Variants in TMEM74 observed in about 807,000 individuals in gnomAD.
TMEM74 encodes transmembrane protein 74.
In TMEM74, 13 loss-of-function variants were observed where a neutral mutation model predicts 18.1. The observed-to-expected ratio is 0.72, with a 90% CI of 0.47 to 1.14. TMEM74 has a LOEUF of 1.14. TMEM74 is among the 50% of genes most tolerant of loss of function. The pLI, the probability that TMEM74 is intolerant of heterozygous loss-of-function variation, is 0.00. For synonymous variants in TMEM74, 159 were observed against 146.6 expected (o/e 1.08, Z -0.61); for missense variants, 372 against 375.9 (o/e 0.99, Z 0.09).
At chr8:108,630,138 A>G (rs368110858) in intron 2 of TMEM74, among the ~76,000 whole-genome samples, 6 of 152,146 alleles carry the variant, frequency 3.9e-5, no homozygotes, top group African/African-American at 1.4e-4. Context: ...GAATGGGGGA[A>G]TATTTACCAA....
At chr8:108,704,786 G>C (rs1257052807) in intron 1 of TMEM74, among the ~76,000 whole-genome samples, 1 of 152,166 alleles carries the variant, frequency 6.6e-6, no homozygotes, top group Non-Finnish European at 1.5e-5. Context: ...AAGGAGGGAG[G>C]GAGGTTACCT....
chr8:108,719,444 A>G (rs2130630052), intron 1 of TMEM74, among the ~76,000 whole-genome samples: 1 of 152,240 alleles, frequency 6.6e-6, no homozygotes, highest in South Asian at 2.1e-4. Context: ...TTTCAATTTT[A>G]GAGAGCACCA....
chr8:108,739,737 C>T lies in TMEM74; in HGVS notation n.119+47739G>A, dbSNP rs567801967. Among the ~76,000 whole-genome samples, 4 of 152,140 alleles carry T rather than the reference C, an allele frequency of 2.6e-5. No individual in the cohort carries two copies. The South Asian group carries it at 8.3e-4, about 32-fold the overall frequency. On this transcript the variant is annotated intron_variant and non_coding_transcript_variant, in intron 1 of 3. Coordinates refer to the TMEM74 transcript ENST00000518838. ...CAAGAGGGCTTTTTCTTTTCCATAT[C>T]TGGTGCTTTAGCTAGGGTGACTTGG...
chr8:108,754,716 G>C (rs893059725), intron 1 of TMEM74, among the ~76,000 whole-genome samples: 1 of 151,644 alleles, frequency 6.6e-6, no homozygotes, highest in African/African-American at 2.4e-5. Flanking sequence ...TTTATTATGA[G>C]AAATTTGCTC....
At chr8:108,729,376 G>C (rs1056445242) in intron 1 of TMEM74, among the ~76,000 whole-genome samples, 2 of 152,182 alleles carry the variant, frequency 1.3e-5, no homozygotes, top group African/African-American at 4.8e-5. Context: ...AAATTAGAAA[G>C]TTCTCTGATC....
At chr8:108,688,678 A>G (rs1441871409) in intron 1 of TMEM74, among the ~76,000 whole-genome samples, 1 of 152,206 alleles carries the variant, frequency 6.6e-6, no homozygotes, top group Non-Finnish European at 1.5e-5. Flanking sequence ...ATTACTTTAA[A>G]ACAAAGGAAA....
chr8:108,765,844 G>T (rs564520055), intron 1 of TMEM74, among the ~76,000 whole-genome samples: 1 of 152,030 alleles, frequency 6.6e-6, no homozygotes, highest in Non-Finnish European at 1.5e-5. Context: ...ATGGAATGAT[G>T]TATCCTTATC....
chr8:108,770,352 CA>C (rs1814158266), intron 1 of TMEM74, among the ~76,000 whole-genome samples: 1 of 152,264 alleles, frequency 6.6e-6, no homozygotes, highest in Non-Finnish European at 1.5e-5. Flanking sequence ...TCAACAACAA[CA>C]AAAACTTCCC....
chr8:108,613,819 G>A (rs1812358128), intron 2 of TMEM74, among the ~76,000 whole-genome samples: 1 of 152,142 alleles, frequency 6.6e-6, no homozygotes, highest in African/African-American at 2.4e-5. Context: ...ATGTCCTAAT[G>A]AGGAGTATAA....
At chr8:108,701,048 A>C (rs1266651172) in intron 1 of TMEM74, among the ~76,000 whole-genome samples, 3 of 152,226 alleles carry the variant, frequency 2.0e-5, no homozygotes, top group Admixed American at 6.5e-5. Context: ...ACCTTGACCA[A>C]GTGGGATTTA....
chr8:108,766,319 G>A (rs74712934), intron 1 of TMEM74, among the ~76,000 whole-genome samples: 2,731 of 152,012 alleles, frequency 0.018, 89 homozygotes, highest in African/African-American at 0.062. Flanking sequence ...ATGGGTTCAT[G>A]GGAATGTTCT....
chr8:108,654,162 G>A (rs1196128026), intron 2 of TMEM74, among the ~76,000 whole-genome samples: 4 of 151,748 alleles, frequency 2.6e-5, no homozygotes, highest in Admixed American at 2.6e-4. Context: ...CTTTTACTTA[G>A]TGGAAAATAA....
chr8:108,740,816 T>C (rs1813792750), intron 1 of TMEM74, among the ~76,000 whole-genome samples: 1 of 152,192 alleles, frequency 6.6e-6, no homozygotes. Flanking sequence ...GTGTCTACCC[T>C]AAAAACCAAT....
intron 2 of TMEM74, among the ~76,000 whole-genome samples, chr8:108,631,262 G>A (rs527912736): frequency 2.0e-5 from 3 of 152,088 alleles, no homozygotes; most frequent in African/African-American, 7.2e-5. Flanking sequence ...GTCCTGAAGT[G>A]GTGTTGGTGA....
intron 2 of TMEM74, among the ~76,000 whole-genome samples, chr8:108,639,871 A>G (rs1563738066): frequency 6.6e-6 from 1 of 152,082 alleles, no homozygotes; most frequent in Non-Finnish European, 1.5e-5. Context: ...AATGTATTGG[A>G]TTTAATACCA....
intron 2 of TMEM74, chr8:108,652,644 A>C: frequency 1.6e-6 from 1 of 628,126 alleles, no homozygotes; most frequent in South Asian, 1.6e-5. Flanking sequence ...AAAGCAAGAA[A>C]AAGAAAGAAG....
intron 1 of TMEM74, among the ~76,000 whole-genome samples, chr8:108,691,563 C>T (rs947259737): frequency 5.9e-5 from 9 of 152,180 alleles, no homozygotes; most frequent in Non-Finnish European, 1.0e-4. Flanking sequence ...GATTCAAGCT[C>T]CCTGCAATCT....
intron 2 of TMEM74, among the ~76,000 whole-genome samples, chr8:108,641,603 T>A (rs182430860): frequency 6.6e-6 from 1 of 152,146 alleles, no homozygotes; most frequent in Non-Finnish European, 1.5e-5. Context: ...TGGGACTGTC[T>A]TCTGTTGTAC....
chr8:108,782,783 T>C lies in TMEM74; in HGVS notation c.*1398A>G, dbSNP rs1309776074. On this transcript the variant is annotated 3_prime_UTR_variant, in exon 2 of 2. Transcript: ENST00000297459. ...CCCCCTGATCCTGGTAACACAATCA[T>C]GGAAGTTACAACAACTCTTAGAGCA... is the stretch of plus-strand genomic sequence containing the variant. Among the ~76,000 whole-genome samples the C allele has an allele frequency of 2.0e-5, 3 of 152,208 alleles. No individual in the cohort carries two copies. The highest frequency in any genetic ancestry group is 1.9e-4 in the East Asian group (1 of 5,202).
Sources: gnomAD v4.1 joint callset for allele counts (sites outside exome capture counted in the v4.1 genomes callset) on GRCh38, gnomAD v4.1.1 for gene constraint, MANE v1.5 for transcripts, NCBI Gene and HGNC (gene_info 2026-07-23, HGNC 2026-07-21) for gene names.